The following URI1 variants were observed in gnomAD, a reference collection of about 807,000 sequenced individuals.
URI1 encodes unconventional prefoldin RPB5 interactor 1.
Under a neutral mutation model 60.2 loss-of-function variants are expected in URI1, and 39 were observed. That is an observed-to-expected ratio of 0.65 (90% confidence interval 0.50 to 0.85). The LOEUF (loss-of-function observed/expected upper bound fraction) is 0.85, where lower values mean the gene tolerates loss of function less well. Among genes scored for constraint, URI1 ranks in the 40% least tolerant of loss-of-function variants. The probability of loss-of-function intolerance (pLI) is 0.00; values close to 1 mark genes in which losing one functional copy is unlikely to be tolerated. For missense variants in URI1, 691 were observed against 665.9 expected (o/e 1.04, Z -0.42); for synonymous variants, 251 against 236.8 (o/e 1.06, Z -0.55).
intron 4 of URI1, among the ~76,000 whole-genome samples, chr19:30,003,243 G>A (rs1331638025): frequency 1.3e-5 from 2 of 151,916 alleles, no homozygotes; most frequent in African/African-American, 2.4e-5. Flanking sequence ...CACCAGGTTC[G>A]TTTGCCTTGC....
At chr19:29,959,656 A>G (rs916902626) in intron 1 of URI1, among the ~76,000 whole-genome samples, 4 of 152,226 alleles carry the variant, frequency 2.6e-5, no homozygotes, top group Non-Finnish European at 4.4e-5. Context: ...CCGAGTTATC[A>G]TAATATCCTG....
intron 1 of URI1, 109 bp downstream of exon 1, chr19:29,942,773 G>A: frequency 8.4e-7 from 1 of 1,194,718 alleles, no homozygotes; most frequent in East Asian, 3.4e-5. Context: ...GGCCCCCGGA[G>A]GGAACGGGGA....
chr19:29,983,796 T>G (rs150216586), intron 2 of URI1, among the ~76,000 whole-genome samples: 1 of 152,242 alleles, frequency 6.6e-6, no homozygotes, highest in East Asian at 1.9e-4. Flanking sequence ...AAGAGCTGAG[T>G]AAGGCCCATA....
At chr19:30,008,911 A>G (rs1364670091) in intron 7 of URI1, 94 bp from the exon 8 acceptor site, 1 of 965,332 alleles carries the variant, frequency 1.0e-6, no homozygotes, top group Admixed American at 3.2e-5. Flanking sequence ...TTTATTCAAG[A>G]TCTTAGTATT....
intron 1 of URI1, among the ~76,000 whole-genome samples, chr19:29,948,249 G>A (rs535298380): frequency 5.9e-5 from 9 of 152,256 alleles, no homozygotes; most frequent in Admixed American, 2.0e-4. Flanking sequence ...TTTCCAGTCC[G>A]TATGCTGTTT....
intron 1 of URI1, among the ~76,000 whole-genome samples, chr19:29,928,217 T>C (rs2054887013): frequency 6.6e-6 from 1 of 152,146 alleles, no homozygotes; most frequent in African/African-American, 2.4e-5. Context: ...TTTTTGCCAC[T>C]GAGTTTGGCT....
chr19:29,993,164 G>A (rs1286346245), intron 4 of URI1, among the ~76,000 whole-genome samples: 1 of 152,126 alleles, frequency 6.6e-6, no homozygotes, highest in East Asian at 1.9e-4. Context: ...TGGACATGAA[G>A]GGATAAGAGC....
intron 4 of URI1, among the ~76,000 whole-genome samples, chr19:29,994,245 T>C (rs1335456372): frequency 1.3e-5 from 2 of 152,162 alleles, no homozygotes; most frequent in African/African-American, 4.8e-5. Context: ...ACTGATACCT[T>C]ATTGTAGGCC....
In URI1 at chr19:29,977,558, C is replaced by CT. The variant is rs749382980; in HGVS notation, c.152+6348dup. Among the ~76,000 whole-genome samples, 888 of 112,554 alleles carry CT rather than the reference C, an allele frequency of 7.9e-3. 2 individuals are homozygous for CT. The highest frequency in any genetic ancestry group is 0.015 in the African/African-American group (472 of 30,574). 73.8% of individuals were successfully genotyped at this position (112,554 alleles called of 152,430 possible). A position where few individuals can be genotyped will look rare whatever the true frequency, so the allele number is the denominator to read the frequency against. On this transcript the variant is annotated intron_variant, in intron 2 of 10. Transcript: ENST00000392271. ...GGGCTTTTTCTTTATGTTATTTTTT[C>CT]TTTTTTTTTTTTTTTTTCCCTCCTC...
At chr19:29,985,197 G>A (rs1171412056) in intron 2 of URI1, 26 bp from the exon 3 acceptor site, 2 of 886,200 alleles carry the variant, frequency 2.3e-6, no homozygotes, top group African/African-American at 1.9e-5. Context: ...TTAATAATGT[G>A]TGTATTTGGT....
chr19:30,011,047 GATTTA>G (rs759247200), intron 8 of URI1, 42 bp from the exon 9 acceptor site: 1 of 1,577,262 alleles, frequency 6.3e-7, no homozygotes, highest in Admixed American at 1.9e-5. Context: ...GTTTCACTTT[GATTTA>G]ATTTGTCAAA....
At chr19:29,989,012 A>G (rs1001791292) in intron 4 of URI1, among the ~76,000 whole-genome samples, 2 of 152,120 alleles carry the variant, frequency 1.3e-5, no homozygotes, top group Non-Finnish European at 2.9e-5. Flanking sequence ...TCATTGCCTA[A>G]TGATGTTGAG....
intron 1 of URI1, among the ~76,000 whole-genome samples, chr19:29,929,444 A>C (rs1237858645): frequency 6.6e-6 from 1 of 150,784 alleles, no homozygotes; most frequent in Non-Finnish European, 1.5e-5. Context: ...TAAAAATACA[A>C]AAATTAGCGG....
intron 1 of URI1, 84 bp downstream of exon 1, chr19:29,942,748 A>G (rs777855740): frequency 2.4e-6 from 3 of 1,274,600 alleles, no homozygotes; most frequent in Non-Finnish European, 3.0e-6. Flanking sequence ...CGCGTGGCCT[A>G]GGCCCAGCTG....
chr19:29,961,807 T>A (rs183192770), intron 1 of URI1, among the ~76,000 whole-genome samples: 1 of 151,852 alleles, frequency 6.6e-6, no homozygotes, highest in Admixed American at 6.6e-5. Context: ...TGCCTCAGCC[T>A]CCCAAGTAGC....
intron 4 of URI1, among the ~76,000 whole-genome samples, chr19:30,004,708 A>C (rs947970589): frequency 7.9e-5 from 12 of 152,020 alleles, no homozygotes; most frequent in African/African-American, 2.9e-4. Context: ...AGAGATTTCT[A>C]CTCTGATTAC....
chr19:29,927,955 G>A (rs2080887), intron 1 of URI1, among the ~76,000 whole-genome samples: 68,267 of 151,388 alleles, frequency 0.45, 16,468 homozygotes, highest in Non-Finnish European at 0.54. Flanking sequence ...GATACTACAC[G>A]ACACTCCAGG....
At chr19:29,942,230 A>T (rs999709564), upstream of URI1, 1 of 983,976 alleles carries the variant, frequency 1.0e-6, no homozygotes, top group Non-Finnish European at 1.2e-6. Flanking sequence ...GTGCCGCGAG[A>T]GGCGGGGCGT....
intron 4 of URI1, among the ~76,000 whole-genome samples, chr19:29,988,557 T>G (rs1430584272): frequency 6.6e-6 from 1 of 152,250 alleles, no homozygotes; most frequent in East Asian, 1.9e-4. Context: ...TGAGATTAGC[T>G]TCTTCACTTG....
Sources: allele counts gnomAD v4.1 joint callset (sites outside exome capture counted in the v4.1 genomes callset), GRCh38; gene constraint gnomAD v4.1.1; transcripts MANE v1.5; gene names NCBI Gene and HGNC (gene_info 2026-07-23, HGNC 2026-07-21).